The following CHD2 variants were observed in gnomAD, a reference collection of about 807,000 sequenced individuals.
CHD2 encodes ATP-dependent chromatin remodeler CHD2.
In CHD2, 28 loss-of-function variants were observed where a neutral mutation model predicts 243.9. The observed-to-expected ratio is 0.11, with a 90% confidence interval of 0.09 to 0.16. The LOEUF is 0.16. CHD2 is among the 10% of genes least tolerant of loss of function. The probability of loss-of-function intolerance (pLI) is 1.00; values close to 1 mark genes in which losing one functional copy is unlikely to be tolerated. For synonymous variants in CHD2, 775 were observed against 779.0 expected (o/e 0.99, Z 0.09); for missense variants, 1,386 against 2,209.8 (o/e 0.63, Z 7.47).
intron 38 of CHD2, 89 bp downstream of exon 38, chr15:93,020,347 C>T: frequency 2.7e-6 from 4 of 1,493,148 alleles, no homozygotes; most frequent in South Asian, 2.3e-5. Flanking sequence ...ATGTATTTAT[C>T]TATCAAATTA....
intron 3 of CHD2, 112 bp downstream of exon 3, chr15:92,924,664 T>G (rs73456430): frequency 1.2e-6 from 1 of 837,424 alleles, no homozygotes; most frequent in Non-Finnish European, 2.0e-6. Flanking sequence ...CCTACAGCCA[T>G]TTTTTCTAGT....
intron 16 of CHD2, among the ~76,000 whole-genome samples, chr15:92,957,079 T>C (rs1358029882): frequency 6.6e-6 from 1 of 152,234 alleles, no homozygotes; most frequent in East Asian, 1.9e-4. Flanking sequence ...ATGTGTTTAT[T>C]GAAAAGATTT....
At chr15:92,932,838 A>C (rs2141763651) in intron 5 of CHD2, among the ~76,000 whole-genome samples, 2 of 151,920 alleles carry the variant, frequency 1.3e-5, no homozygotes, top group East Asian at 3.9e-4. Context: ...GCTCACTGTG[A>C]CTCAAGTGAT....
In CHD2 at chr15:92,926,601, C is replaced by T. The variant is rs550509098; in HGVS notation, c.295-643C>T. 2.0e-5 allele frequency among the ~76,000 whole-genome samples: 3 copies of T among 152,252 alleles called. No homozygotes were observed. The South Asian group carries it at 6.2e-4, about 32-fold the overall frequency. ...TTTAAATCACTGGTGAGGATTGTTA[C>T]AGGTCTTAAAGGTTGTTACAGGTCT... On this transcript the variant is annotated intron_variant, in intron 3 of 38. Coordinates refer to ENST00000394196, the MANE Select transcript of CHD2 (RefSeq NM_001271.4).
In CHD2 at chr15:93,000,503, CT is replaced by C; in HGVS notation, c.4009-5del. On this transcript the variant is annotated splice_region_variant and splice_polypyrimidine_tract_variant and intron_variant, in intron 31 of 38. Transcript: ENST00000394196. ...TGTATTTTAATCATCATTTTCTCTCCTTTTCCAGGCCAAATTAAAGAAGCGG... is the reference window on the plus strand; with the variant it reads ...TGTATTTTAATCATCATTTTCTCTCCTTTCCAGGCCAAATTAAAGAAGCGG... 1 of 1,602,182 alleles carries C rather than the reference CT, an allele frequency of 6.2e-7. No individual in the cohort carries two copies. Among genetic ancestry groups the C allele is most frequent in the South Asian group, 1.1e-5 (1 of 89,624 alleles).
intron 5 of CHD2, among the ~76,000 whole-genome samples, chr15:92,931,908 G>A (rs1426333058): frequency 6.6e-6 from 1 of 150,474 alleles, no homozygotes; most frequent in African/African-American, 2.5e-5. Context: ...TTGTCGCCAG[G>A]CTGGGGTACA....
chr15:92,984,005 AT>A (rs1215688491), intron 24 of CHD2, among the ~76,000 whole-genome samples: 3 of 152,174 alleles, frequency 2.0e-5, no homozygotes, highest in African/African-American at 4.8e-5. Context: ...ATAAATCTAA[AT>A]TTTATCATTA....
In CHD2 at chr15:92,970,629, A is replaced by G. The variant is rs142889610; in HGVS notation, c.2190-1136A>G. Among the ~76,000 whole-genome samples the G allele has an allele frequency of 8.1e-3, 1,235 of 152,296 alleles. 53 individuals carry two copies. The highest frequency in any genetic ancestry group is 0.069 in the Admixed American group (1,058 of 15,292). On this transcript the variant is annotated intron_variant, in intron 17 of 38. Coordinates refer to ENST00000394196, the MANE Select transcript of CHD2 (RefSeq NM_001271.4). ...TCTTAGGTAAGTGGTAGCATACCGT[A>G]TACACTTTTCTCTGCCTTCCTTTTT...
chr15:92,996,988 A>C lies in CHD2; in HGVS notation c.3627A>C (p.Thr1209=). The change falls in exon 29 of 39, where the codon ACA becomes ACC. Residue 1209 remains threonine, a synonymous_variant. Transcript: ENST00000394196. ...GKGPGKRRGP[T]IKISGVQVNV... is the part of the protein sequence containing the mutation. ...GACCAGGGAAAAGGAGAGGTCCAAC[A>C]ATCAAGATATCCGGAGTTCAGGTTA... 6.2e-7 allele frequency: 1 copy of C among 1,612,090 alleles called. No individual in the cohort carries two copies. The highest frequency in any genetic ancestry group is 1.1e-5 in the South Asian group (1 of 90,220).
chr15:92,975,017 C>G, intron 20 of CHD2, 67 bp downstream of exon 20: 1 of 1,284,164 alleles, frequency 7.8e-7, no homozygotes, highest in Non-Finnish European at 1.1e-6. Flanking sequence ...GTCTCTCTCG[C>G]TTAATGTATT....
At chr15:92,948,840 A>G (rs2053512811) in intron 12 of CHD2, 112 bp from the exon 13 acceptor site, 1 of 1,293,446 alleles carries the variant, frequency 7.7e-7, no homozygotes, top group Non-Finnish European at 1.1e-6. Context: ...CTCCGTCTCA[A>G]AAAAAGAAAT....
chr15:92,949,329 A>G (rs2053520162), intron 13 of CHD2: 1 of 906,352 alleles, frequency 1.1e-6, no homozygotes, highest in Non-Finnish European at 1.5e-6. Flanking sequence ...TGTCATAGCC[A>G]GAAACCTGTA....
chr15:92,974,257 G>A (rs937746646), intron 19 of CHD2, among the ~76,000 whole-genome samples: 2 of 152,186 alleles, frequency 1.3e-5, no homozygotes, highest in African/African-American at 4.8e-5. Flanking sequence ...AAGGAATTGT[G>A]TATGCTAATA....
At chr15:92,945,536 CA>C (rs2053451476) in intron 10 of CHD2, 1 of 174,976 alleles carries the variant, frequency 5.7e-6, no homozygotes, top group African/African-American at 2.4e-5. Flanking sequence ...GGATTACAGG[CA>C]CCCCCCACCC....
chr15:92,941,024 C>T (rs1441385420), intron 7 of CHD2, among the ~76,000 whole-genome samples: 2 of 133,862 alleles, frequency 1.5e-5, no homozygotes, highest in South Asian at 2.3e-4. Flanking sequence ...TTTTTTGAGA[C>T]GGAGTCTTGC....
At chr15:93,015,999 T>C (rs1164972691) in intron 37 of CHD2, among the ~76,000 whole-genome samples, 1 of 152,212 alleles carries the variant, frequency 6.6e-6, no homozygotes, top group East Asian at 1.9e-4. Context: ...GCAGTCCCTT[T>C]ACCAGGTATA....
chr15:92,963,683 G>A (rs1303042429), intron 16 of CHD2, among the ~76,000 whole-genome samples: 1 of 152,138 alleles, frequency 6.6e-6, no homozygotes. Flanking sequence ...ATAAGAATAT[G>A]CTGGCTTAGA....
chr15:92,932,151 C>T (rs959074251), intron 5 of CHD2, among the ~76,000 whole-genome samples: 6 of 152,116 alleles, frequency 3.9e-5, no homozygotes, highest in Non-Finnish European at 5.9e-5. Context: ...CTTGAGCCAC[C>T]GCACCTGGCT....
At chr15:92,924,776 A>C (rs2053026103) in intron 3 of CHD2, among the ~76,000 whole-genome samples, 1 of 152,102 alleles carries the variant, frequency 6.6e-6, no homozygotes, top group South Asian at 2.1e-4. Flanking sequence ...GGAAAGACAA[A>C]TTTTTATACG....
Sources: allele counts gnomAD v4.1 joint callset (sites outside exome capture counted in the v4.1 genomes callset), GRCh38; gene constraint gnomAD v4.1.1; transcripts MANE v1.5; gene names NCBI Gene and HGNC (gene_info 2026-07-23, HGNC 2026-07-21).